The following ZFP62 variants were observed in gnomAD, a reference collection of about 807,000 sequenced individuals.
The protein encoded by ZFP62 is zinc finger protein 62 homolog.
In ZFP62, 44 loss-of-function variants were observed where a neutral mutation model predicts 56.4. The ratio of observed to expected loss-of-function variants is 0.78; its 90% CI spans 0.61 to 1.00. ZFP62 has a LOEUF of 1.00. Among genes scored for constraint, ZFP62 ranks in the 50% least tolerant of loss-of-function variants. The probability of loss-of-function intolerance (pLI) is 0.00; values close to 1 mark genes in which losing one functional copy is unlikely to be tolerated. For synonymous variants in ZFP62, 421 were observed against 388.9 expected (o/e 1.08, Z -0.97); for missense variants, 1,030 against 1,085.7 (o/e 0.95, Z 0.72).
chr5:180,859,361 G>A (rs749385034), intron 1 of ZFP62, among the ~76,000 whole-genome samples: 2 of 152,154 alleles, frequency 1.3e-5, no homozygotes, highest in Non-Finnish European at 2.9e-5. Context: ...ACCTAGGAGG[G>A]GCAAAATGTA....
chr5:180,854,257 T>A (rs924742968), intron 1 of ZFP62, among the ~76,000 whole-genome samples: 3 of 152,160 alleles, frequency 2.0e-5, no homozygotes, highest in Non-Finnish European at 4.4e-5. Context: ...AGGGACACGC[T>A]GCAAGACCCA....
downstream of ZFP62, among the ~76,000 whole-genome samples, chr5:180,843,058 TA>T (rs1773346540): frequency 6.8e-6 from 1 of 146,032 alleles, no homozygotes; most frequent in South Asian, 2.1e-4. Flanking sequence ...AAAAAATAAA[TA>T]AATAAATTTA....
chr5:180,849,204 T>G lies in ZFP62; in HGVS notation c.2291A>C (p.Lys764Thr). 2 of 1,560,688 alleles carry G rather than the reference T, an allele frequency of 1.3e-6. No homozygotes were observed. The highest frequency in any genetic ancestry group is 1.7e-6 in the Non-Finnish European group (2 of 1,152,500). Residue 764 changes from lysine to threonine, a missense_variant, in exon 2 of 2, where the codon AAG becomes ACG. Lys to Thr is a moderately conservative substitution (Grantham distance 78). Transcript: ENST00000502412. ...EKPYVCDRCG[K>T]AFRNSSGLTV... The stretch of plus-strand genomic sequence containing the variant: ...GAGGCCTGAGCTGTTCCTGAAGGCC[T>G]TCCCACACCTATCACACACATAGGG...
rs1756079872 is a variant in ZFP62, at chr5:180,861,271, C to T, written c.-52G>A. Reference sequence around the variant, plus strand: ...GCCGCCAGCGGGACAAAAGCGCGGACCGCACGGCCGGAAGAACCCGCGCCG... The same window carrying T: ...GCCGCCAGCGGGACAAAAGCGCGGATCGCACGGCCGGAAGAACCCGCGCCG... On this transcript the variant is annotated 5_prime_UTR_variant, in exon 1 of 2. Coordinates refer to ENST00000502412, the MANE Select transcript of ZFP62 (RefSeq NM_001172638.2). 2.5e-6 allele frequency: 1 copy of T among 397,424 alleles called. No individual in the cohort carries two copies. The highest frequency in any genetic ancestry group is 4.4e-6 in the Non-Finnish European group (1 of 225,230). The allele number at this position is 397,424 out of a possible 1,614,324, so 24.6% of individuals were successfully genotyped here.
intron 1 of ZFP62, among the ~76,000 whole-genome samples, chr5:180,858,826 T>A (rs371044612): frequency 2.6e-5 from 4 of 152,346 alleles, no homozygotes; most frequent in African/African-American, 9.6e-5. Flanking sequence ...TTAAAAGTTC[T>A]AAAGGCTGAA....
Position 180,847,841 on chromosome 5 carries a change from C to G in ZFP62, c.*951G>C. On this transcript the variant is annotated 3_prime_UTR_variant, in exon 2 of 2. Coordinates refer to ENST00000502412, the MANE Select transcript of ZFP62 (RefSeq NM_001172638.2). ...TTTCCTTCTCTCTAGATGACTGGTA[C>G]TTTAGCTTTTTAGCTTCTGCAATAA... 1 of 985,414 alleles carries G rather than the reference C, an allele frequency of 1.0e-6. No individual in the cohort carries two copies. Among genetic ancestry groups the G allele is most frequent in the Non-Finnish European group, 1.2e-6 (1 of 829,924 alleles). 61.0% of individuals were successfully genotyped at this position (985,414 alleles called of 1,614,324 possible).
At position 180,848,801 on chromosome 5, in the gene ZFP62, C is replaced by T; in HGVS notation, c.2694G>A (p.Met898Ile). The T allele has an allele frequency of 6.5e-7, 1 of 1,526,768 alleles. No homozygotes were observed. The highest frequency in any genetic ancestry group is 8.8e-7 in the Non-Finnish European group (1 of 1,131,522). The allele number at this position is 1,526,768 out of a possible 1,614,324, so 94.6% of individuals were successfully genotyped here. Residue 898 changes from methionine to isoleucine, a missense_variant, in exon 2 of 2, where the codon ATG becomes ATA. Transcript: ENST00000502412. Reference sequence around the variant, plus strand: ...TGGTAAGCTCTGCCTGCTACAGAGGCATCCTCATCCTGCCCCCATCCAGGG... The same window carrying T: ...TGGTAAGCTCTGCCTGCTACAGAGGTATCCTCATCCTGCCCCCATCCAGGG... ...GNALDGGRMR[M>I]PL
At chr5:180,829,309 T>C in the ZFP62 span, among the ~76,000 whole-genome samples, 1 of 152,168 alleles carries the variant, frequency 6.6e-6, no homozygotes, top group Admixed American at 6.5e-5. Flanking sequence ...CTTTGTCCTG[T>C]TTCCTCAGAA....
the ZFP62 span, among the ~76,000 whole-genome samples, chr5:180,838,107 C>T: frequency 1.3e-5 from 2 of 152,204 alleles, no homozygotes; most frequent in African/African-American, 4.8e-5. Context: ...AAAAGAATTC[C>T]CTTCCCTTCC....
chr5:180,849,536 G>A lies in ZFP62; in HGVS notation c.1959C>T (p.Val653=). The A allele has an allele frequency of 6.4e-7, 1 of 1,551,880 alleles. No individual in the cohort carries two copies. The highest frequency in any genetic ancestry group is 8.7e-7 in the Non-Finnish European group (1 of 1,147,044). Residue 653 remains valine (V), a synonymous_variant, in exon 2 of 2, where the codon GTC becomes GTT. Transcript: ENST00000502412. ...KPYECDRCEK[V]FRNNSSLKVH... ...CTTTAAGGCTTGAGTTGTTTCTGAA[G>A]ACCTTCTCACACCTGTCACATTCAT...
At chr5:180,833,473 T>C in the ZFP62 span, among the ~76,000 whole-genome samples, 1 of 134,652 alleles carries the variant, frequency 7.4e-6, no homozygotes, top group East Asian at 2.0e-4. Context: ...GGTGAAACTC[T>C]GTCTCAAAAA....
chr5:180,836,025 G>A, the ZFP62 span, among the ~76,000 whole-genome samples: 4 of 152,152 alleles, frequency 2.6e-5, no homozygotes, highest in Admixed American at 1.3e-4. Context: ...AATACTTACC[G>A]TGTTACAGTT....
rs985660943 is a variant in ZFP62, at chr5:180,861,245, G to A, written c.-26C>T. 6.0e-5 allele frequency: 24 copies of A among 397,688 alleles called. No homozygotes were observed. The highest frequency in any genetic ancestry group is 8.4e-5 in the Non-Finnish European group (19 of 225,478). The allele number at this position is 397,688 out of a possible 1,614,324, so 24.6% of individuals were successfully genotyped here. On this transcript the variant is annotated 5_prime_UTR_variant, in exon 1 of 2. Coordinates refer to ENST00000502412, the MANE Select transcript of ZFP62 (RefSeq NM_001172638.2). ...GGCTGTGGCGGCGCCGCGGGAACCCGGCCGCCAGCGGGACAAAAGCGCGGA... is the reference window on the plus strand; with the variant it reads ...GGCTGTGGCGGCGCCGCGGGAACCCAGCCGCCAGCGGGACAAAAGCGCGGA...
chr5:180,839,484 T>C, the ZFP62 span, among the ~76,000 whole-genome samples: 1 of 152,166 alleles, frequency 6.6e-6, no homozygotes, highest in South Asian at 2.1e-4. Flanking sequence ...CTGGAGGCCA[T>C]TATCCTAAGA....
intron 1 of ZFP62, among the ~76,000 whole-genome samples, chr5:180,853,025 C>T (rs1182688233): frequency 6.6e-6 from 1 of 152,150 alleles, no homozygotes; most frequent in Non-Finnish European, 1.5e-5. Context: ...GGGGAATTTG[C>T]CAATATCTAT....
In ZFP62 at chr5:180,849,672, T is replaced by A. The variant is rs1018969117; in HGVS notation, c.1823A>T (p.Lys608Ile). 1.3e-6 allele frequency: 2 copies of A among 1,551,616 alleles called. No individual in the cohort carries two copies. Among genetic ancestry groups the A allele is most frequent in the African/African-American group, 2.7e-5 (2 of 72,936 alleles). ...FITYRTLTNH[K>I]KVHLGEKPYK... The stretch of plus-strand genomic sequence containing the variant: ...GGGCTTCTCCCCAAGATGAACTTTT[T>A]TGTGGTTTGTAAGGGTTCGGTATGT... The change falls in exon 2 of 2, where the codon AAA (lysine) becomes ATA (isoleucine). Residue 608 changes from lysine to isoleucine, a missense_variant. Physicochemically the swap from Lys to Ile is moderately radical, Grantham distance 102 (BLOSUM62 -3). Transcript: ENST00000502412.
chr5:180,833,308 A>C, the ZFP62 span, among the ~76,000 whole-genome samples: 1 of 151,826 alleles, frequency 6.6e-6, no homozygotes, highest in African/African-American at 2.4e-5. Context: ...GTGAAACCCC[A>C]TCTCCACTAA....
rs1773544793 is a variant in ZFP62, at chr5:180,849,238, CT to C, written c.2256del (p.Glu754ArgfsTer115). The C allele has an allele frequency of 1.3e-6, 2 of 1,557,374 alleles. No individual in the cohort carries two copies. Among genetic ancestry groups the C allele is most frequent in the Non-Finnish European group, 1.7e-6 (2 of 1,150,386 alleles). ...CTATCACACACATAGGGTTTCTCCC[CT>C]GTGTGGATCCTCTTGTGCTGAGAAA... is the stretch of plus-strand genomic sequence containing the variant. ...SLLSQHKRIH[T>X]GEKPYVCDRC... On this transcript the variant is annotated frameshift_variant, in exon 2 of 2. Coordinates refer to ENST00000502412, the MANE Select transcript of ZFP62 (RefSeq NM_001172638.2). LOFTEE classifies it high-confidence loss of function.
chr5:180,847,178 G>C (rs775621611), downstream of ZFP62, among the ~76,000 whole-genome samples: 16 of 152,234 alleles, frequency 1.1e-4, no homozygotes, highest in Admixed American at 2.6e-4. Flanking sequence ...CCAGATACCA[G>C]ACTTCAAATT....
Sources: gnomAD v4.1 joint callset for allele counts (sites outside exome capture counted in the v4.1 genomes callset) on GRCh38, gnomAD v4.1.1 for gene constraint, MANE v1.5 for transcripts, NCBI Gene and HGNC (gene_info 2026-07-23, HGNC 2026-07-21) for gene names.